The following CSMD1 variants were observed in gnomAD, a reference collection of about 807,000 sequenced individuals.
CSMD1 encodes the protein CUB and Sushi multiple domains 1, also known as CUB and sushi domain-containing protein 1.
In CSMD1, 213 loss-of-function variants were observed where a neutral mutation model predicts 417.5. The observed-to-expected ratio is 0.51, with a 90% CI of 0.46 to 0.57. The LOEUF (loss-of-function observed/expected upper bound fraction) is 0.57. CSMD1 is among the 20% of genes least tolerant of loss of function. The pLI, the probability that CSMD1 is intolerant of heterozygous loss-of-function variation, is 0.00. For synonymous variants in CSMD1, 2,862 were observed against 1,736.8 expected, an observed-to-expected ratio of 1.65 and a Z score of -16.11; for missense variants, 6,923 against 4,529.7, an observed-to-expected ratio of 1.53 and a Z score of -15.17.
At chr8:4,690,605 G>C (rs889088158) in intron 1 of CSMD1, among the ~76,000 whole-genome samples, 5 of 152,180 alleles carry the variant, frequency 3.3e-5, no homozygotes, top group African/African-American at 7.2e-5. Context: ...AAGCATGCTT[G>C]TTCCTCAGTC....
chr8:3,906,423 T>C (rs191658166), intron 5 of CSMD1, among the ~76,000 whole-genome samples: 200 of 152,250 alleles, frequency 1.3e-3, no homozygotes, highest in Admixed American at 3.1e-3. Flanking sequence ...ACATGATATA[T>C]AGTAATGTTT....
At chr8:3,832,561 C>G (rs924730157) in intron 5 of CSMD1, among the ~76,000 whole-genome samples, 14 of 152,090 alleles carry the variant, frequency 9.2e-5, no homozygotes, top group African/African-American at 3.1e-4. Flanking sequence ...GAAGCAAAAT[C>G]ATTTCAAGAC....
intron 5 of CSMD1, among the ~76,000 whole-genome samples, chr8:3,846,916 C>G (rs1196109627): frequency 6.6e-6 from 1 of 152,200 alleles, no homozygotes; most frequent in Non-Finnish European, 1.5e-5. Flanking sequence ...CTTAGGTGAT[C>G]CACCCGCCCT....
chr8:4,284,162 G>C lies in CSMD1; in HGVS notation c.415+135791C>G, dbSNP rs567837710. On this transcript the variant is annotated intron_variant, in intron 3 of 69. Coordinates refer to ENST00000635120, the MANE Select transcript of CSMD1 (RefSeq NM_033225.6). ...AAGGGTGGATCACCTGAGGTCAGGA[G>C]TTCCAGACTAGGCTGGCCAACATGG... 4.6e-5 allele frequency among the ~76,000 whole-genome samples: 7 copies of C among 152,146 alleles called. No homozygotes were observed. In the South Asian group the frequency reaches 6.2e-4, roughly 14 times the overall value.
rs573230626 is a variant in CSMD1, at chr8:4,738,282, G to C, written c.86-100724C>G. 1.4e-3 allele frequency among the ~76,000 whole-genome samples: 209 copies of C among 152,326 alleles called. 1 individual carries two copies. The highest frequency in any genetic ancestry group is 2.6e-3 in the Non-Finnish European group (176 of 68,024). Reference sequence around the variant, plus strand: ...TTCACGCTGCTATAAACAACTGCTTGAGAATGGGTTATTTACAGAGGAAAC... The same window carrying C: ...TTCACGCTGCTATAAACAACTGCTTCAGAATGGGTTATTTACAGAGGAAAC... On this transcript the variant is annotated intron_variant, in intron 1 of 69. Coordinates refer to ENST00000635120, the MANE Select transcript of CSMD1 (RefSeq NM_033225.6).
chr8:4,630,097 C>A (rs1381605718), intron 2 of CSMD1, among the ~76,000 whole-genome samples: 1 of 152,072 alleles, frequency 6.6e-6, no homozygotes, highest in Non-Finnish European at 1.5e-5. Context: ...GCAAAACACA[C>A]CACCACAGCA....
intron 3 of CSMD1, among the ~76,000 whole-genome samples, chr8:4,377,627 G>T (rs1046714863): frequency 6.6e-6 from 1 of 152,068 alleles, no homozygotes; most frequent in Non-Finnish European, 1.5e-5. Flanking sequence ...AAAACTAGAG[G>T]TTCAATGAAA....
chr8:3,763,691 C>CAA (rs1798127521), intron 5 of CSMD1, among the ~76,000 whole-genome samples: 1 of 152,132 alleles, frequency 6.6e-6, no homozygotes, highest in Non-Finnish European at 1.5e-5. Flanking sequence ...GCCTTTGTGG[C>CAA]TAAACAGTGT....
At chr8:3,239,446 T>C (rs987581573) in intron 26 of CSMD1, among the ~76,000 whole-genome samples, 2 of 152,134 alleles carry the variant, frequency 1.3e-5, no homozygotes, top group African/African-American at 4.8e-5. Flanking sequence ...CCTCTACTTA[T>C]CCAGTGAAAG....
chr8:3,838,452 C>T (rs566001622), intron 5 of CSMD1, among the ~76,000 whole-genome samples: 1 of 146,806 alleles, frequency 6.8e-6, no homozygotes, highest in African/African-American at 2.5e-5. Context: ...ATAGACTATA[C>T]ATATATAGGC....
intron 5 of CSMD1, among the ~76,000 whole-genome samples, chr8:3,789,817 G>A (rs950115188): frequency 7.0e-5 from 10 of 143,704 alleles, no homozygotes; most frequent in Admixed American, 2.2e-4. Flanking sequence ...TGCAAGCTCC[G>A]CCTCCCGGGG....
chr8:4,388,061 T>TAGGCGGA (rs1563121125), intron 3 of CSMD1, among the ~76,000 whole-genome samples: 1 of 152,134 alleles, frequency 6.6e-6, no homozygotes, highest in African/African-American at 2.4e-5. Context: ...AATGTCCACC[T>TAGGCGGA]CATTTGGACT....
rs114752583 is a variant in CSMD1, at chr8:3,873,805, G to C, written c.819-119763C>G. On this transcript the variant is annotated intron_variant, in intron 5 of 69. Transcript: ENST00000635120. Reference sequence around the variant, plus strand: ...TAGCCCTTGATTAGACTGGGAGAAAGAAAAGCACACATGGTCACGGTGTTT... The same window carrying C: ...TAGCCCTTGATTAGACTGGGAGAAACAAAAGCACACATGGTCACGGTGTTT... Among the ~76,000 whole-genome samples, 321 of 152,304 alleles carry C rather than the reference G, an allele frequency of 2.1e-3. 2 individuals are homozygous for C. The highest frequency in any genetic ancestry group is 7.5e-3 in the African/African-American group (312 of 41,574).
At chr8:3,559,053 T>C (rs543633383) in intron 10 of CSMD1, among the ~76,000 whole-genome samples, 15 of 152,308 alleles carry the variant, frequency 9.8e-5, no homozygotes, top group Non-Finnish European at 1.9e-4. Context: ...TAAAGGACCA[T>C]GGAGAAGTGT....
rs1324533853 is a variant in CSMD1, at chr8:3,043,026, G to C, written c.7660+9436C>G. 5.3e-5 allele frequency among the ~76,000 whole-genome samples: 8 copies of C among 151,140 alleles called. No individual in the cohort carries two copies. In the South Asian group the frequency reaches 1.3e-3, roughly 24 times the overall value. On this transcript the variant is annotated intron_variant, in intron 50 of 69. Transcript: ENST00000635120. ...AGGTTTCTATGACCTATAAATACTA[G>C]ATATGACCTAGTACTGTGGGATTAT...
At chr8:4,295,631 A>T (rs1435459716) in intron 3 of CSMD1, among the ~76,000 whole-genome samples, 1 of 145,334 alleles carries the variant, frequency 6.9e-6, no homozygotes. Flanking sequence ...ATATATAAAC[A>T]TATATTCATA....
At chr8:3,528,984 T>C (rs1451291380) in intron 10 of CSMD1, among the ~76,000 whole-genome samples, 2 of 152,348 alleles carry the variant, frequency 1.3e-5, no homozygotes, top group Non-Finnish European at 2.9e-5. Context: ...TATACATTTA[T>C]ACTGACATAT....
At chr8:4,361,951 C>G (rs955244974) in intron 3 of CSMD1, among the ~76,000 whole-genome samples, 10 of 151,954 alleles carry the variant, frequency 6.6e-5, no homozygotes, top group Non-Finnish European at 8.8e-5. Context: ...GGCAACACAG[C>G]AAGACTCCAT....
At chr8:3,316,082 G>T (rs950075640) in intron 23 of CSMD1, among the ~76,000 whole-genome samples, 1 of 152,096 alleles carries the variant, frequency 6.6e-6, no homozygotes, top group Non-Finnish European at 1.5e-5. Flanking sequence ...CAGAGTGGGG[G>T]AACTTGGGGC....
Sources: allele counts gnomAD v4.1 joint callset (sites outside exome capture counted in the v4.1 genomes callset), GRCh38; gene constraint gnomAD v4.1.1; transcripts MANE v1.5; gene names NCBI Gene and HGNC (gene_info 2026-07-23, HGNC 2026-07-21).